The following PCDHGA2 variants were observed in gnomAD, a reference collection of about 807,000 sequenced individuals.
PCDHGA2 encodes the protein protocadherin gamma subfamily A, 2, also known as protocadherin gamma-A2.
Under a neutral mutation model 59.2 loss-of-function variants are expected in PCDHGA2, and 40 were observed. The observed-to-expected ratio is 0.68, with a 90% confidence interval of 0.52 to 0.88. PCDHGA2 has a LOEUF of 0.88. PCDHGA2 is among the 40% of genes least tolerant of loss of function. PCDHGA2 has a pLI of 0.00. For synonymous variants in PCDHGA2, 560 were observed against 526.0 expected (o/e 1.06, Z -0.89); for missense variants, 1,226 against 1,204.0 (o/e 1.02, Z -0.27).
At chr5:141,430,815 T>A in intron 1 of PCDHGA2, 1 of 1,535,252 alleles carries the variant, frequency 6.5e-7, no homozygotes, top group Non-Finnish European at 8.7e-7. Flanking sequence ...CTGGGAATCC[T>A]CCTGGGGACT....
At chr5:141,496,021 G>A (rs1011612662) in intron 2 of PCDHGA2, among the ~76,000 whole-genome samples, 1 of 151,336 alleles carries the variant, frequency 6.6e-6, no homozygotes, top group Admixed American at 6.6e-5. Context: ...TTTTCTCTGA[G>A]CCTCTGTCTC....
intron 1 of PCDHGA2, chr5:141,385,616 A>G: frequency 1.8e-6 from 2 of 1,098,642 alleles, no homozygotes; most frequent in Non-Finnish European, 2.3e-6. Context: ...TATATTTTAT[A>G]CATTGGAATG....
intron 1 of PCDHGA2, chr5:141,383,948 C>G (rs199642192): frequency 2.1e-4 from 340 of 1,613,480 alleles, no homozygotes; most frequent in Non-Finnish European, 2.5e-4. Context: ...GTGACTATGA[C>G]GTCTTTAAGT....
chr5:141,364,432 G>T (rs763376851), intron 1 of PCDHGA2: 1 of 1,613,796 alleles, frequency 6.2e-7, no homozygotes, highest in Non-Finnish European at 8.5e-7. Context: ...TCCGCTACTC[G>T]ATGCCGGAGG....
At chr5:141,499,423 GA>G (rs1229901490) in intron 2 of PCDHGA2, among the ~76,000 whole-genome samples, 3 of 151,756 alleles carry the variant, frequency 2.0e-5, no homozygotes, top group Non-Finnish European at 2.9e-5. Flanking sequence ...ATGAAAAATA[GA>G]AAAAAAATTA....
intron 1 of PCDHGA2, chr5:141,365,786 C>T (rs1446985601): frequency 6.2e-7 from 1 of 1,613,932 alleles, no homozygotes; most frequent in Non-Finnish European, 8.5e-7. Context: ...CGACAACGCT[C>T]GAGTCACCTA....
intron 1 of PCDHGA2, chr5:141,396,613 C>G (rs1283036515): frequency 6.6e-6 from 1 of 151,276 alleles, no homozygotes; most frequent in Non-Finnish European, 1.5e-5. Context: ...GGGTGAGACT[C>G]CGTCTCAAAA....
At chr5:141,495,149 G>A (rs1448841303) in intron 2 of PCDHGA2, among the ~76,000 whole-genome samples, 1 of 152,170 alleles carries the variant, frequency 6.6e-6, no homozygotes, top group Non-Finnish European at 1.5e-5. Context: ...CCAAAGGATG[G>A]TCTTAAGCTG....
In PCDHGA2 at chr5:141,370,188, T is replaced by G. The variant is rs1036214596; in HGVS notation, c.2424+28793T>G. ...AGAGGCGCCGGGTGCCGCTCTTGGCTAGTGCTGTGCAAAATATTGGCTCCT... is the reference window on the plus strand; with the variant it reads ...AGAGGCGCCGGGTGCCGCTCTTGGCGAGTGCTGTGCAAAATATTGGCTCCT... On this transcript the variant is annotated intron_variant, in intron 1 of 3. Transcript: ENST00000394576. 2.9e-4 allele frequency: 151 copies of G among 511,926 alleles called. 1 individual carries two copies. In the East Asian group the frequency reaches 4.2e-3, roughly 14 times the overall value. 31.7% of individuals were successfully genotyped at this position (511,926 alleles called of 1,614,324 possible).
intron 1 of PCDHGA2, chr5:141,402,944 G>C (rs1487270083): frequency 2.5e-6 from 4 of 1,592,136 alleles, no homozygotes; most frequent in African/African-American, 1.3e-5. Context: ...ATTCCAAAGC[G>C]AGGCAGCAAT....
intron 1 of PCDHGA2, chr5:141,418,929 T>A: frequency 6.2e-7 from 1 of 1,614,034 alleles, no homozygotes; most frequent in Non-Finnish European, 8.5e-7. Flanking sequence ...GATCAGATTA[T>A]GGAGGATTCC....
intron 1 of PCDHGA2, chr5:141,388,903 A>T: frequency 6.2e-7 from 1 of 1,614,010 alleles, no homozygotes; most frequent in Non-Finnish European, 8.5e-7. Flanking sequence ...GATGAAAATG[A>T]CAACGCCCCA....
rs762306215 is a variant in PCDHGA2 at position 141,374,474 on chromosome 5, C to A, written c.2424+33079C>A. On this transcript the variant is annotated intron_variant, in intron 1 of 3. Transcript: ENST00000394576. ...AATAGTGGACATTAATGACAATACA[C>A]CCCGATTCTTAAAGGAAGAATTGGA... 3.7e-6 allele frequency: 6 copies of A among 1,612,140 alleles called. No individual in the cohort carries two copies. In the African/African-American group the frequency reaches 4.0e-5, roughly 11 times the overall value.
chr5:141,511,489 A>G lies in PCDHGA2; in HGVS notation c.*316A>G. 2.3e-6 allele frequency: 1 copy of G among 435,688 alleles called. No individual in the cohort carries two copies. Among genetic ancestry groups the G allele is most frequent in the Non-Finnish European group, 4.2e-6 (1 of 239,908 alleles). The allele number at this position is 435,688 out of a possible 1,614,324, so 27.0% of individuals were successfully genotyped here. ...CGTTTAGTTACAGCTGAACTCCTCC[A>G]TCTTCCAAATCAATCAGGCCCATCC... On this transcript the variant is annotated 3_prime_UTR_variant, in exon 4 of 4. Coordinates refer to ENST00000394576, the MANE Select transcript of PCDHGA2 (RefSeq NM_018915.4).
intron 1 of PCDHGA2, chr5:141,423,031 A>G (rs761268652): frequency 1.2e-6 from 2 of 1,614,096 alleles, no homozygotes; most frequent in East Asian, 2.2e-5. Flanking sequence ...TTCAGGCCAG[A>G]ACGCCTGGCT....
At position 141,485,321 on chromosome 5, in the gene PCDHGA2, C is replaced by G. The variant is rs780179631; in HGVS notation, c.2425-9486C>G. The G allele has an allele frequency of 6.2e-7, 1 of 1,614,154 alleles. No homozygotes were observed. Among genetic ancestry groups the G allele is most frequent in the Non-Finnish European group, 8.5e-7 (1 of 1,180,024 alleles). On this transcript the variant is annotated intron_variant, in intron 1 of 3. Transcript: ENST00000394576. This position sits in a 1 kb window ranked among gnomAD's most constrained non-coding sequence, Gnocchi z 5.7. The stretch of plus-strand genomic sequence containing the variant: ...AGGGACTTTTGTAGGGAATGTCGCT[C>G]AAGATTTCCTGCTGGATACGGACAG...
chr5:141,465,836 A>G (rs974075792), intron 1 of PCDHGA2, among the ~76,000 whole-genome samples: 1 of 151,774 alleles, frequency 6.6e-6, no homozygotes, highest in East Asian at 1.9e-4. Context: ...TAAAATTTCA[A>G]CTGAGGCTGG....
At chr5:141,365,022 C>A in intron 1 of PCDHGA2, 1 of 1,613,864 alleles carries the variant, frequency 6.2e-7, no homozygotes, top group South Asian at 1.1e-5. Flanking sequence ...ATCCGTGTTA[C>A]GGTCCTCGAC....
chr5:141,415,189 A>T (rs575244490), intron 1 of PCDHGA2: 2 of 1,613,840 alleles, frequency 1.2e-6, no homozygotes, highest in Non-Finnish European at 1.7e-6. Context: ...GGCCGACAGC[A>T]TCCCCCAAGT....
Sources: allele counts gnomAD v4.1 joint callset (sites outside exome capture counted in the v4.1 genomes callset), GRCh38; gene constraint gnomAD v4.1.1; non-coding constraint Gnocchi (gnomAD v3.1); transcripts MANE v1.5; gene names NCBI Gene and HGNC (gene_info 2026-07-23, HGNC 2026-07-21).